The following TFB1M variants were observed in gnomAD, a reference collection of about 807,000 sequenced individuals.
TFB1M encodes the protein transcription factor B1, mitochondrial.
Under a neutral mutation model 31.1 loss-of-function variants are expected in TFB1M, and 27 were observed. The ratio of observed to expected loss-of-function variants is 0.87; its 90% CI spans 0.64 to 1.20. TFB1M has a LOEUF of 1.20. Among genes scored for constraint, TFB1M ranks in the 50% most tolerant of loss-of-function variants. TFB1M has a pLI of 0.00. For missense variants in TFB1M, 394 were observed against 418.7 expected (o/e 0.94, Z 0.51); for synonymous variants, 166 against 151.8 (o/e 1.09, Z -0.69).
intron 4 of TFB1M, among the ~76,000 whole-genome samples, chr6:155,295,290 C>T (rs927915528): frequency 1.5e-4 from 23 of 151,648 alleles, no homozygotes; most frequent in Non-Finnish European, 2.9e-4. Context: ...GGCGTGAACC[C>T]GGGAGACGGA....
chr6:155,254,705 A>G, downstream of TFB1M: 1 of 1,170,774 alleles, frequency 8.5e-7, no homozygotes, highest in Non-Finnish European at 1.2e-6. Context: ...CCTTTTAAGA[A>G]ACCTAAACAT....
chr6:155,268,863 G>C (rs1041988666), intron 5 of TFB1M, among the ~76,000 whole-genome samples: 4 of 146,120 alleles, frequency 2.7e-5, no homozygotes, highest in African/African-American at 1.0e-4. Context: ...TTGTTCACTT[G>C]TTTATCTGCT....
the TFB1M span, among the ~76,000 whole-genome samples, chr6:155,230,301 T>C: frequency 0.012 from 1,859 of 152,336 alleles, 33 homozygotes; most frequent in Non-Finnish European, 0.015. Context: ...TGCCTCTCTG[T>C]CCTGCCTTGG....
chr6:155,275,699 G>T, intron 5 of TFB1M: 1 of 1,595,982 alleles, frequency 6.3e-7, no homozygotes, highest in Non-Finnish European at 8.5e-7. Context: ...TTTCTAAGAG[G>T]ACAGACTTAA....
the TFB1M span, among the ~76,000 whole-genome samples, chr6:155,243,229 G>A: frequency 6.6e-6 from 1 of 152,200 alleles, no homozygotes; most frequent in South Asian, 2.1e-4. Context: ...GAGATTCTGT[G>A]AATCAGTCAA....
In TFB1M at chr6:155,287,382, AT is replaced by A. The variant is rs200335954; in HGVS notation, c.547-2106del. 7.2e-3 allele frequency among the ~76,000 whole-genome samples: 1,100 copies of A among 152,270 alleles called. 19 individuals are homozygous for A. The highest frequency in any genetic ancestry group is 0.025 in the African/African-American group (1,055 of 41,512). On this transcript the variant is annotated intron_variant, in intron 4 of 6. Transcript: ENST00000367166. ...TGTGTAATGTCAAGAAATGAAAAAA[AT>A]AATAAAAATCAACATGTGAACGAAA...
intron 2 of TFB1M, among the ~76,000 whole-genome samples, chr6:155,307,565 T>C (rs1777835614): frequency 6.6e-6 from 1 of 152,026 alleles, no homozygotes; most frequent in Non-Finnish European, 1.5e-5. Flanking sequence ...CCACAACACA[T>C]GGGAATTACG....
At chr6:155,240,299 A>G in the TFB1M span, among the ~76,000 whole-genome samples, 1 of 152,272 alleles carries the variant, frequency 6.6e-6, no homozygotes, top group Non-Finnish European at 1.5e-5. Context: ...TGATGTGACA[A>G]TGGAGAGCCT....
chr6:155,297,190 T>C (rs1777215794), intron 3 of TFB1M, 86 bp from the exon 4 acceptor site: 1 of 1,404,288 alleles, frequency 7.1e-7, no homozygotes. Context: ...TCAGACTGGA[T>C]ATTAATAGCA....
intron 2 of TFB1M, among the ~76,000 whole-genome samples, chr6:155,307,426 AAG>A (rs1198319645): frequency 6.6e-6 from 1 of 152,162 alleles, no homozygotes; most frequent in African/African-American, 2.4e-5. Context: ...GCAACAGGCA[AAG>A]AGAGAGCTTG....
intron 6 of TFB1M, 39 bp from the exon 7 acceptor site, chr6:155,258,121 A>ACTT: frequency 6.2e-7 from 1 of 1,612,470 alleles, no homozygotes; most frequent in East Asian, 2.2e-5. Flanking sequence ...TAAGAATTTT[A>ACTT]CTTAAATTCT....
At chr6:155,309,215 A>G (rs1777913776) in intron 2 of TFB1M, among the ~76,000 whole-genome samples, 1 of 152,236 alleles carries the variant, frequency 6.6e-6, no homozygotes, top group Non-Finnish European at 1.5e-5. Context: ...TTGTGTATAT[A>G]TATACACAGA....
At position 155,256,454 on chromosome 6, in the gene TFB1M, T is replaced by C. The variant is rs765037484; in HGVS notation, c.*1382A>G. ...ACACATTGTGTAACCTGTTTCTGTATCACAGCGAAATGTGTTTTTCTCACT... is the reference window on the plus strand; with the variant it reads ...ACACATTGTGTAACCTGTTTCTGTACCACAGCGAAATGTGTTTTTCTCACT... On this transcript the variant is annotated 3_prime_UTR_variant, in exon 7 of 7. Transcript: ENST00000367166. The C allele has an allele frequency of 1.9e-6, 3 of 1,613,802 alleles. No homozygotes were observed. The highest frequency in any genetic ancestry group is 1.7e-6 in the Non-Finnish European group (2 of 1,179,984).
At chr6:155,272,500 T>C (rs538976387) in intron 5 of TFB1M, among the ~76,000 whole-genome samples, 343 of 151,936 alleles carry the variant, frequency 2.3e-3, no homozygotes, top group Non-Finnish European at 4.4e-3. Context: ...TGCTTCTGCT[T>C]GCCTTCACAG....
the TFB1M span, chr6:155,250,811 T>C: frequency 2.3e-6 from 3 of 1,288,440 alleles, no homozygotes; most frequent in Admixed American, 3.5e-5. Context: ...AAACCAGCTG[T>C]GCTTGCATTT....
rs71023639 is a variant in TFB1M at position 155,296,426 on chromosome 6, A to ATT, written c.546+525_546+526dup. 4.4e-3 allele frequency among the ~76,000 whole-genome samples: 459 copies of ATT among 103,438 alleles called. 3 individuals are homozygous for ATT. The highest frequency in any genetic ancestry group is 7.7e-3 in the African/African-American group (194 of 25,094). The allele number at this position is 103,438 out of a possible 152,430, so 67.9% of individuals were successfully genotyped here. ...AGGCACCCCCCACCACACCCAGCTA[A>ATT]TTTTTTTTTTTTTTTTTTTTTTTTT... On this transcript the variant is annotated intron_variant, in intron 4 of 6. Coordinates refer to ENST00000367166, the MANE Select transcript of TFB1M (RefSeq NM_016020.4).
downstream of TFB1M, chr6:155,253,045 A>G (rs1335256752): frequency 1.2e-6 from 2 of 1,613,896 alleles, no homozygotes. Context: ...AGACTGGGGA[A>G]TCCAGCAGGT....
intron 5 of TFB1M, among the ~76,000 whole-genome samples, chr6:155,280,979 G>A (rs1430729475): frequency 6.6e-6 from 1 of 152,162 alleles, no homozygotes; most frequent in Admixed American, 6.5e-5. Flanking sequence ...TGCTTTAAAT[G>A]TGTACCATGT....
intron 5 of TFB1M, among the ~76,000 whole-genome samples, chr6:155,283,677 G>A (rs887224541): frequency 6.6e-6 from 1 of 152,166 alleles, no homozygotes; most frequent in African/African-American, 2.4e-5. Flanking sequence ...GAACCCGTTA[G>A]TAAAACTTAA....
Sources: gnomAD v4.1 joint callset for allele counts (sites outside exome capture counted in the v4.1 genomes callset) on GRCh38, gnomAD v4.1.1 for gene constraint, MANE v1.5 for transcripts, NCBI Gene and HGNC (gene_info 2026-07-23, HGNC 2026-07-21) for gene names.